TSPAN18: variants seen among roughly 807,000 people sequenced by gnomAD.
The protein encoded by TSPAN18 is tetraspanin-18.
TSPAN18 carries 14 observed loss-of-function variants against 27.3 expected under a neutral mutation model. The ratio of observed to expected loss-of-function variants is 0.51; its 90% confidence interval spans 0.34 to 0.80. The LOEUF is 0.80. Among genes scored for constraint, TSPAN18 ranks in the 30% least tolerant of loss-of-function variants. The pLI is 0.01. For synonymous variants in TSPAN18, 143 were observed against 136.5 expected, an observed-to-expected ratio of 1.05 and a Z score of -0.33; for missense variants, 268 against 323.9, an observed-to-expected ratio of 0.83 and a Z score of 1.32.
intron 1 of TSPAN18, among the ~76,000 whole-genome samples, chr11:44,749,508 TA>T (rs1305851953): frequency 1.3e-5 from 2 of 152,216 alleles, no homozygotes; most frequent in African/African-American, 4.8e-5. Context: ...TGCCTTTGTA[TA>T]AATCCCATTT....
intron 3 of TSPAN18, among the ~76,000 whole-genome samples, chr11:44,872,755 G>A (rs1056402880): frequency 5.9e-5 from 9 of 152,204 alleles, no homozygotes; most frequent in African/African-American, 2.2e-4. Context: ...GAGAGGTGAA[G>A]CAACTTGCCC....
intron 3 of TSPAN18, among the ~76,000 whole-genome samples, chr11:44,876,063 G>A (rs970391928): frequency 2.6e-5 from 4 of 152,122 alleles, no homozygotes; most frequent in African/African-American, 9.7e-5. Context: ...TGGGGCTGGG[G>A]GTACCACTCA....
chr11:44,749,950 CA>C (rs1855173404), intron 1 of TSPAN18, among the ~76,000 whole-genome samples: 1 of 152,154 alleles, frequency 6.6e-6, no homozygotes, highest in Non-Finnish European at 1.5e-5. Flanking sequence ...GTGGAACTTT[CA>C]AATGTGAAAT....
At chr11:44,774,643 T>C (rs759666259) in intron 2 of TSPAN18, among the ~76,000 whole-genome samples, 27 of 152,110 alleles carry the variant, frequency 1.8e-4, no homozygotes, top group Non-Finnish European at 3.4e-4. Context: ...CCTTCTTCCC[T>C]CCTTATTTCC....
intron 5 of TSPAN18, among the ~76,000 whole-genome samples, chr11:44,915,972 G>A (rs1042807480): frequency 1.3e-5 from 2 of 152,234 alleles, no homozygotes; most frequent in Admixed American, 1.3e-4. Flanking sequence ...GGCTGAAGCA[G>A]ACTTGATGTG....
intron 5 of TSPAN18, among the ~76,000 whole-genome samples, chr11:44,914,451 T>A (rs150032002): frequency 6.6e-6 from 1 of 152,348 alleles, no homozygotes; most frequent in African/African-American, 2.4e-5. Context: ...GTTGCATTCA[T>A]GATCCAGTGG....
intron 5 of TSPAN18, among the ~76,000 whole-genome samples, chr11:44,912,678 C>T (rs180694143): frequency 1.2e-3 from 182 of 151,964 alleles, no homozygotes; most frequent in Non-Finnish European, 2.1e-3. Flanking sequence ...TGTATGTGCA[C>T]GTGTGTTGTA....
At chr11:44,797,252 C>T (rs1422487322) in intron 2 of TSPAN18, among the ~76,000 whole-genome samples, 2 of 152,084 alleles carry the variant, frequency 1.3e-5, no homozygotes, top group African/African-American at 2.4e-5. Flanking sequence ...CGAGAGGTTC[C>T]AAGAAGTTGA....
chr11:44,816,524 A>G (rs1213443978), intron 2 of TSPAN18, among the ~76,000 whole-genome samples: 1 of 151,320 alleles, frequency 6.6e-6, no homozygotes, highest in African/African-American at 2.4e-5. Context: ...TAACCCGTGC[A>G]GTCCTCCCAG....
chr11:44,919,335 T>A, intron 7 of TSPAN18, 23 bp downstream of exon 7: 2 of 1,600,176 alleles, frequency 1.2e-6, no homozygotes, highest in Non-Finnish European at 1.7e-6. Flanking sequence ...CCAGAGATGC[T>A]ATGAACATTC....
rs11038148 is a variant in TSPAN18, at chr11:44,799,349, C to G, written c.-153+34837C>G. ...TCGGAGCGGCCACTGCCCTTGCACA[C>G]CCTATACCTTGGTCCAAACGACACA... On this transcript the variant is annotated intron_variant, in intron 2 of 9. Transcript: ENST00000520358. Among the ~76,000 whole-genome samples the G allele has an allele frequency of 8.7e-4, 133 of 152,312 alleles. 1 individual carries two copies. In the Middle Eastern group the frequency reaches 0.017, roughly 19 times the overall value.
At chr11:44,912,950 G>T (rs1564999916) in intron 5 of TSPAN18, among the ~76,000 whole-genome samples, 2 of 151,816 alleles carry the variant, frequency 1.3e-5, no homozygotes, top group Non-Finnish European at 2.9e-5. Context: ...GGGGTTCTGT[G>T]AGTGTTTCCA....
At chr11:44,817,055 G>A (rs1856830841) in intron 2 of TSPAN18, among the ~76,000 whole-genome samples, 2 of 152,200 alleles carry the variant, frequency 1.3e-5, no homozygotes. Context: ...TTCCTCTCAG[G>A]GAAGTGTGAG....
Position 44,919,308 on chromosome 11 carries a change from T to C in TSPAN18, c.428T>C (p.Ile143Thr). Reference protein sequence around the residue: ...VFSATWNSVMITFGCCGVNGP... With the variant: ...VFSATWNSVMTTFGCCGVNGP... Reference sequence around the variant, plus strand: ...TCTGCCACCTGGAACTCGGTCATGATCACAGTGAGTGACGCCCCAGAGATG... The same window carrying C: ...TCTGCCACCTGGAACTCGGTCATGACCACAGTGAGTGACGCCCCAGAGATG... The change falls in exon 7 of 10, where the codon ATC (isoleucine) becomes ACC (threonine). Residue 143 changes from isoleucine (I) to threonine (T), a missense_variant. Transcript: ENST00000520358. The C allele has an allele frequency of 6.2e-7, 1 of 1,613,476 alleles. No homozygotes were observed. The highest frequency in any genetic ancestry group is 8.5e-7 in the Non-Finnish European group (1 of 1,179,510).
intron 3 of TSPAN18, among the ~76,000 whole-genome samples, chr11:44,896,955 G>A (rs1486507150): frequency 6.6e-6 from 1 of 152,130 alleles, no homozygotes; most frequent in Non-Finnish European, 1.5e-5. Flanking sequence ...TGGGTAAATG[G>A]GGAGGAATCT....
intron 8 of TSPAN18, among the ~76,000 whole-genome samples, chr11:44,921,935 A>G (rs1046695938): frequency 2.0e-5 from 3 of 152,168 alleles, no homozygotes; most frequent in African/African-American, 4.8e-5. Flanking sequence ...GTCCCTGCAC[A>G]GCCACATTCA....
At chr11:44,882,228 CT>C (rs1701681535) in intron 3 of TSPAN18, among the ~76,000 whole-genome samples, 1 of 152,130 alleles carries the variant, frequency 6.6e-6, no homozygotes, top group Non-Finnish European at 1.5e-5. Flanking sequence ...CATGTGGTCC[CT>C]GGGAAACCCT....
At chr11:44,898,929 C>T (rs1038880676) in intron 3 of TSPAN18, among the ~76,000 whole-genome samples, 1 of 152,228 alleles carries the variant, frequency 6.6e-6, no homozygotes, top group African/African-American at 2.4e-5. Flanking sequence ...TTACACGAAA[C>T]AGTTGGCTGC....
At chr11:44,867,041 G>C (rs1199114175) in intron 3 of TSPAN18, among the ~76,000 whole-genome samples, 3 of 152,194 alleles carry the variant, frequency 2.0e-5, no homozygotes. Context: ...TCAGAGACTG[G>C]AGGTAAAAAA....
Sources: allele counts gnomAD v4.1 joint callset (sites outside exome capture counted in the v4.1 genomes callset), GRCh38; gene constraint gnomAD v4.1.1; transcripts MANE v1.5; gene names NCBI Gene and HGNC (gene_info 2026-07-23, HGNC 2026-07-21).